The following PCBP3 variants were observed in gnomAD, a reference collection of about 807,000 sequenced individuals.
The protein encoded by PCBP3 is poly(rC)-binding protein 3.
A neutral mutation model predicts 52.7 loss-of-function variants in PCBP3; 25 were observed. The ratio of observed to expected loss-of-function variants is 0.47; its 90% confidence interval spans 0.35 to 0.66. The LOEUF is 0.66. PCBP3 is among the 30% of genes least tolerant of loss of function. The pLI is 0.01. For synonymous variants in PCBP3, 162 were observed against 183.0 expected, an observed-to-expected ratio of 0.89 and a Z score of 0.93; for missense variants, 391 against 490.3, an observed-to-expected ratio of 0.80 and a Z score of 1.91.
chr21:45,747,142 G>A (rs1174888843), intron 3 of PCBP3, among the ~76,000 whole-genome samples: 1 of 152,196 alleles, frequency 6.6e-6, no homozygotes, highest in Non-Finnish European at 1.5e-5. Flanking sequence ...AAAGACAAAG[G>A]AGGATCAAAG....
At chr21:45,809,714 C>T (rs946350937) in intron 4 of PCBP3, among the ~76,000 whole-genome samples, 1 of 152,252 alleles carries the variant, frequency 6.6e-6, no homozygotes, top group African/African-American at 2.4e-5. Context: ...GGGCAAGGCC[C>T]TCTGTCCTGC....
intron 4 of PCBP3, among the ~76,000 whole-genome samples, chr21:45,785,507 G>GGGGGGGGGGTCAGCGCCCCGTCCGGGA (rs2091069020): frequency 1.4e-5 from 1 of 70,588 alleles, no homozygotes; most frequent in East Asian, 2.6e-4. Flanking sequence ...CCGTCCGGGA[G>GGGGGGGGGGTCAGCGCCCCGTCCGGGA]GGGGGGGGGT....
chr21:45,828,475 C>T (rs1361263394), intron 4 of PCBP3: 1 of 152,222 alleles, frequency 6.6e-6, no homozygotes, highest in African/African-American at 2.4e-5. Context: ...ACAACTTGAA[C>T]CAGCCGCACT....
chr21:45,736,840 C>T lies in PCBP3; in HGVS notation c.-162+1411C>T, dbSNP rs551719287. ...GGGGGATCGAAAACATAAATCTAGTCAGTGAGTTCATCCTGTGGCATGTCA... is the reference window on the plus strand; with the variant it reads ...GGGGGATCGAAAACATAAATCTAGTTAGTGAGTTCATCCTGTGGCATGTCA... On this transcript the variant is annotated intron_variant, in intron 3 of 17. Transcript: ENST00000681687. This position sits in a 1 kb window ranked among gnomAD's most constrained non-coding sequence, Gnocchi z 4.6. Among the ~76,000 whole-genome samples, 26 of 152,238 alleles carry T rather than the reference C, an allele frequency of 1.7e-4. No individual in the cohort carries two copies. The highest frequency in any genetic ancestry group is 7.2e-4 in the Admixed American group (11 of 15,290).
intron 13 of PCBP3, among the ~76,000 whole-genome samples, chr21:45,922,228 G>GT (rs1569500137): frequency 2.6e-5 from 4 of 152,330 alleles, no homozygotes; most frequent in Non-Finnish European, 4.4e-5. Flanking sequence ...GGAAGGAATT[G>GT]TTTTTTCTGG....
At chr21:45,888,054 C>T (rs937763378) in intron 5 of PCBP3, among the ~76,000 whole-genome samples, 1 of 152,178 alleles carries the variant, frequency 6.6e-6, no homozygotes, top group African/African-American at 2.4e-5. Flanking sequence ...CAGGGTCTCT[C>T]CTCAGGAGCA....
At chr21:45,797,094 C>G (rs2091956866) in intron 4 of PCBP3, among the ~76,000 whole-genome samples, 1 of 152,134 alleles carries the variant, frequency 6.6e-6, no homozygotes, top group Non-Finnish European at 1.5e-5. Context: ...TGGGGAAACA[C>G]ATGGTACAGT....
At chr21:45,789,626 G>A (rs1002258014) in intron 4 of PCBP3, among the ~76,000 whole-genome samples, 10 of 152,310 alleles carry the variant, frequency 6.6e-5, no homozygotes, top group African/African-American at 7.2e-5. Context: ...CAGTGTGGCC[G>A]GAGCAGAGCG....
intron 2 of PCBP3, among the ~76,000 whole-genome samples, chr21:45,693,545 T>C (rs932889858): frequency 4.6e-5 from 7 of 152,110 alleles, no homozygotes; most frequent in African/African-American, 1.4e-4. Flanking sequence ...TAATAGAATA[T>C]AATTTTTAAG....
chr21:45,769,566 C>G (rs1194241611), intron 4 of PCBP3, among the ~76,000 whole-genome samples: 1 of 152,264 alleles, frequency 6.6e-6, no homozygotes, highest in East Asian at 1.9e-4. Flanking sequence ...GTCTTGTGTT[C>G]CCCCTACAGA....
intron 16 of PCBP3, among the ~76,000 whole-genome samples, chr21:45,939,639 C>A (rs535231461): frequency 1.3e-5 from 2 of 152,378 alleles, no homozygotes; most frequent in East Asian, 3.9e-4. Flanking sequence ...GGTGCAGACA[C>A]CGCTGGGCCA....
chr21:45,708,390 A>G (rs2083598962), intron 2 of PCBP3, among the ~76,000 whole-genome samples: 1 of 152,090 alleles, frequency 6.6e-6, no homozygotes, highest in Non-Finnish European at 1.5e-5. Flanking sequence ...GATCCTGTGA[A>G]TCCCCATGGT....
rs1165136664 is a variant in PCBP3, at chr21:45,693,628, A to G, written c.-200+24676A>G. On this transcript the variant is annotated intron_variant, in intron 2 of 17. Transcript: ENST00000681687. ...GTTTAAAAACAGGAAAAGAGGAACAAATGGATAAAAAGATGAAGAATTTCA... is the reference window on the plus strand; with the variant it reads ...GTTTAAAAACAGGAAAAGAGGAACAGATGGATAAAAAGATGAAGAATTTCA... Among the ~76,000 whole-genome samples, 3 of 152,140 alleles carry G rather than the reference A, an allele frequency of 2.0e-5. No homozygotes were observed. The East Asian group carries it at 5.8e-4, about 29-fold the overall frequency.
At chr21:45,665,034 A>G (rs2080701900) in intron 1 of PCBP3, among the ~76,000 whole-genome samples, 1 of 151,756 alleles carries the variant, frequency 6.6e-6, no homozygotes, top group African/African-American at 2.4e-5. Context: ...TAGGTATTTT[A>G]TTATTTTTTT....
intron 4 of PCBP3, among the ~76,000 whole-genome samples, chr21:45,810,938 G>T (rs62214598): frequency 0.018 from 2,698 of 152,234 alleles, 41 homozygotes; most frequent in Non-Finnish European, 0.027. Context: ...ACATATGTTG[G>T]TGTGAAGTTG....
chr21:45,763,053 T>G (rs2088872203), intron 4 of PCBP3: 1 of 152,244 alleles, frequency 6.6e-6, no homozygotes, highest in African/African-American at 2.4e-5. Flanking sequence ...GCTGCTTGTT[T>G]AGGATTGAGG....
At chr21:45,739,567 T>G in intron 3 of PCBP3, among the ~76,000 whole-genome samples, 1 of 122,168 alleles carries the variant, frequency 8.2e-6, no homozygotes, top group Non-Finnish European at 1.7e-5. Flanking sequence ...CCATCCTTCC[T>G]GTCCATTGTC....
At chr21:45,794,125 C>T (rs575760711) in intron 4 of PCBP3, among the ~76,000 whole-genome samples, 100 of 152,246 alleles carry the variant, frequency 6.6e-4, no homozygotes, top group Admixed American at 1.6e-3. Flanking sequence ...GCTTACTAAA[C>T]TTCAGGGTTT....
At chr21:45,914,254 C>A in intron 12 of PCBP3, 1 of 643,280 alleles carries the variant, frequency 1.6e-6, no homozygotes, top group Admixed American at 3.3e-5. Context: ...TTCTCCCTCC[C>A]TGACCCGGGC....
Sources: gnomAD v4.1 joint callset for allele counts (sites outside exome capture counted in the v4.1 genomes callset) on GRCh38, gnomAD v4.1.1 for gene constraint, Gnocchi (gnomAD v3.1) non-coding constraint, MANE v1.5 for transcripts, NCBI Gene and HGNC (gene_info 2026-07-23, HGNC 2026-07-21) for gene names.